The following MYO1A variants were observed in gnomAD, a reference collection of about 807,000 sequenced individuals.
MYO1A encodes the protein myosin IA.
Under a neutral mutation model 138.5 loss-of-function variants are expected in MYO1A, and 127 were observed. That is an observed-to-expected ratio of 0.92 (90% CI 0.79 to 1.06). The LOEUF (loss-of-function observed/expected upper bound fraction) is 1.06, where lower values mean the gene tolerates loss of function less well. Ranked by LOEUF, MYO1A falls within the 50% of genes least tolerant of loss-of-function variation. The pLI is 0.00. For missense variants in MYO1A, 1,211 were observed against 1,288.8 expected (o/e 0.94, Z 0.92); for synonymous variants, 477 against 497.5 (o/e 0.96, Z 0.55).
rs1214276494 is a variant in MYO1A at position 57,037,943 on chromosome 12, C to T, written c.1887G>A (p.Gln629=). 4.3e-6 allele frequency: 7 copies of T among 1,614,066 alleles called. No homozygotes were observed. The highest frequency in any genetic ancestry group is 1.3e-5 in the African/African-American group (1 of 74,934). ...ACCTTTCCAGGAAGGGCCCATAACC[C>T]TGGCGGTGGGCATAGCCTGCCCGTC... is the stretch of plus-strand genomic sequence containing the variant. ...RVRRAGYAHR[Q]GYGPFLERYR... Residue 629 remains glutamine (Q), a synonymous_variant, in exon 18 of 28, where the codon CAG becomes CAA. Transcript: ENST00000300119.
chr12:57,039,937 T>C (rs969145603), intron 14 of MYO1A, among the ~76,000 whole-genome samples: 3 of 152,162 alleles, frequency 2.0e-5, no homozygotes, highest in Non-Finnish European at 2.9e-5. Flanking sequence ...TGAGACTATA[T>C]AATGTTTTGA....
chr12:57,030,341 T>TA, intron 23 of MYO1A, 25 bp from the exon 24 acceptor site: 1 of 1,523,764 alleles, frequency 6.6e-7, no homozygotes, highest in Non-Finnish European at 9.1e-7. Flanking sequence ...GGACAGGAGC[T>TA]AAAATCATAG....
At position 57,044,133 on chromosome 12, in the gene MYO1A, G is replaced by A. The variant is rs764633445; in HGVS notation, c.717C>T (p.Asp239=). 2.2e-5 allele frequency: 36 copies of A among 1,614,054 alleles called. No individual in the cohort carries two copies. Among genetic ancestry groups the A allele is most frequent in the Admixed American group, 6.7e-5 (4 of 60,006 alleles). The change falls in exon 9 of 28, where the codon GAC becomes GAT. Residue 239 remains aspartate (D), a synonymous_variant. Coordinates refer to ENST00000300119, the MANE Select transcript of MYO1A (RefSeq NM_005379.4). Reference sequence around the variant, plus strand: ...GTACAGCCCTGAAGCTGGAGGCGTCGTCCATGCCATCCACTCTGGATACTT... The same window carrying A: ...GTACAGCCCTGAAGCTGGAGGCGTCATCCATGCCATCCACTCTGGATACTT... The part of the protein sequence containing the change: ...NHEVSRVDGM[D]DASSFRAVQS...
Position 57,038,522 on chromosome 12 carries a change from G to A in MYO1A, c.1650C>T (p.Gly550=). The change falls in exon 17 of 28, where the codon GGC becomes GGT. Residue 550 remains glycine (G), a synonymous_variant. Transcript: ENST00000300119. ...HPLLRSLFPE[G]NPKQASLKRP... ...GTTTGAGAGATGCCTGCTTAGGATT[G>A]CCCTCAGGAAACAAGGACCGAAGGA... 1 of 1,614,178 alleles carries A rather than the reference G, an allele frequency of 6.2e-7. No homozygotes were observed.
At chr12:57,036,227 T>C in intron 22 of MYO1A, 80 bp downstream of exon 22, 1 of 1,377,678 alleles carries the variant, frequency 7.3e-7, no homozygotes. Flanking sequence ...AAGCTTTGGG[T>C]TGCCTCTTCT....
chr12:57,047,213 T>C, intron 5 of MYO1A, 90 bp downstream of exon 5: 1 of 1,579,698 alleles, frequency 6.3e-7, no homozygotes, highest in Non-Finnish European at 8.7e-7. Context: ...ACAAGAGAGG[T>C]GATTTTGCAG....
chr12:57,029,024 C>A, intron 27 of MYO1A, 108 bp downstream of exon 27: 1 of 1,604,142 alleles, frequency 6.2e-7, no homozygotes. Context: ...CACCTCCAAG[C>A]CCCGGCCTGC....
chr12:57,045,757 A>T (rs1304626055), intron 8 of MYO1A, among the ~76,000 whole-genome samples: 1 of 152,104 alleles, frequency 6.6e-6, no homozygotes. Flanking sequence ...TCCACCAGAC[A>T]CTCCAGTGAT....
chr12:57,033,000 C>T (rs1281426084), intron 22 of MYO1A, among the ~76,000 whole-genome samples: 1 of 152,170 alleles, frequency 6.6e-6, no homozygotes, highest in African/African-American at 2.4e-5. Context: ...CTGACACACA[C>T]ACATATGTGT....
rs768744233 is a variant in MYO1A at position 57,036,824 on chromosome 12, C to T, written c.2222G>A (p.Gly741Glu). 2 of 1,614,228 alleles carry T rather than the reference C, an allele frequency of 1.2e-6. No homozygotes were observed. The highest frequency in any genetic ancestry group is 3.3e-5 in the Admixed American group (2 of 60,026). Reference sequence around the variant, plus strand: ...CAATAACACGGATGCCTTTATCTTCCCATAGCATTTCTTTTGCTGTAGAAA... The same window carrying T: ...CAATAACACGGATGCCTTTATCTTCTCATAGCATTTCTTTTGCTGTAGAAA... ...FRGNMQKKCY[G>E]KIKASVLLIQ... Residue 741 changes from glycine to glutamate, a missense_variant, in exon 21 of 28, where the codon GGG becomes GAG. Gly to Glu is a moderately conservative substitution (Grantham distance 98, BLOSUM62 -2). Transcript: ENST00000300119.
At chr12:57,039,370 A>G in intron 14 of MYO1A, 96 bp from the exon 15 acceptor site, 1 of 915,000 alleles carries the variant, frequency 1.1e-6, no homozygotes, top group Non-Finnish European at 1.8e-6. Flanking sequence ...AACAAAGGAC[A>G]TCAGAAAGCC....
chr12:57,039,054 C>A (rs1452361307), intron 15 of MYO1A, 45 bp from the exon 16 acceptor site: 2 of 1,594,586 alleles, frequency 1.3e-6, no homozygotes, highest in Admixed American at 3.5e-5. Flanking sequence ...TCTGGTCCTC[C>A]GAGATGTCCA....
chr12:57,030,491 G>A (rs529893334), intron 23 of MYO1A, among the ~76,000 whole-genome samples, 175 bp from the exon 24 acceptor site: 6 of 152,098 alleles, frequency 3.9e-5, no homozygotes, highest in Non-Finnish European at 5.9e-5. Context: ...GGAGGAGTGC[G>A]AGAACTGAGG....
intron 16 of MYO1A, 24 bp from the exon 17 acceptor site, chr12:57,038,662 T>A: frequency 6.2e-7 from 1 of 1,612,996 alleles, no homozygotes; most frequent in Non-Finnish European, 8.5e-7. Context: ...GCTATTGGTT[T>A]GGAGACCCCA....
At chr12:57,047,448 T>C (rs745723567) in intron 4 of MYO1A, 41 bp from the exon 5 acceptor site, 1 of 1,584,646 alleles carries the variant, frequency 6.3e-7, no homozygotes, top group South Asian at 1.1e-5. Context: ...CACCCAGGAC[T>C]AGCCCATCCC....
chr12:57,038,732 C>T (rs1377538684), intron 16 of MYO1A, 77 bp downstream of exon 16: 1 of 1,609,572 alleles, frequency 6.2e-7, no homozygotes, highest in African/African-American at 1.3e-5. Flanking sequence ...AGACTCTCAC[C>T]TTCCCCGGGT....
At chr12:57,044,060 A>G in intron 9 of MYO1A, 46 bp downstream of exon 9, 1 of 1,614,166 alleles carries the variant, frequency 6.2e-7, no homozygotes, top group Non-Finnish European at 8.5e-7. Context: ...CAATGCGAAT[A>G]GAGGATGACC....
chr12:57,037,492 A>T, intron 19 of MYO1A, 56 bp downstream of exon 19: 3 of 1,470,744 alleles, frequency 2.0e-6, no homozygotes, highest in South Asian at 2.3e-5. Context: ...AGCCTTTCTC[A>T]GGTGGGCTCT....
intron 1 of MYO1A, among the ~76,000 whole-genome samples, chr12:57,049,396 G>A (rs1342133281): frequency 6.6e-6 from 1 of 152,236 alleles, no homozygotes; most frequent in Non-Finnish European, 1.5e-5. Context: ...CTGAACCCGG[G>A]TGGAGGAGCG....
Sources: allele counts gnomAD v4.1 joint callset (sites outside exome capture counted in the v4.1 genomes callset), GRCh38; gene constraint gnomAD v4.1.1; transcripts MANE v1.5; gene names NCBI Gene and HGNC (gene_info 2026-07-23, HGNC 2026-07-21).